TMPRSS11D: variants seen among roughly 807,000 people sequenced by gnomAD.
TMPRSS11D encodes the protein transmembrane protease serine 11D.
A neutral mutation model predicts 44.4 loss-of-function variants in TMPRSS11D; 32 were observed. That is an observed-to-expected ratio of 0.72 (90% CI 0.54 to 0.97). The LOEUF (loss-of-function observed/expected upper bound fraction) is 0.97, where lower values mean the gene tolerates loss of function less well. Ranked by LOEUF, TMPRSS11D falls within the 50% of genes least tolerant of loss-of-function variation. TMPRSS11D has a pLI of 0.00. For synonymous variants in TMPRSS11D, 179 were observed against 177.9 expected (o/e 1.01, Z -0.05); for missense variants, 446 against 502.6 (o/e 0.89, Z 1.08).
chr4:67,823,568 G>T (rs2109653813), intron 9 of TMPRSS11D, among the ~76,000 whole-genome samples: 1 of 152,218 alleles, frequency 6.6e-6, no homozygotes, highest in South Asian at 2.1e-4. Context: ...ATATAGTATA[G>T]TCAGTACTAA....
intron 5 of TMPRSS11D, 181 bp downstream of exon 5, chr4:67,837,991 C>A (rs58567891): frequency 0.18 from 79,976 of 451,022 alleles, 7,426 homozygotes; most frequent in East Asian, 0.27. Context: ...CCAAATGATT[C>A]TTTAAGTCTT....
At chr4:67,848,119 G>A (rs990911931) in intron 3 of TMPRSS11D, among the ~76,000 whole-genome samples, 1 of 152,112 alleles carries the variant, frequency 6.6e-6, no homozygotes, top group Non-Finnish European at 1.5e-5. Flanking sequence ...CTCCTCCCAT[G>A]TTCTAGTTTG....
chr4:67,822,078 T>C lies in TMPRSS11D; in HGVS notation c.*259A>G. On this transcript the variant is annotated 3_prime_UTR_variant, in exon 10 of 10. Coordinates refer to ENST00000283916, the MANE Select transcript of TMPRSS11D (RefSeq NM_004262.3). ...GCATTTAGCACAACTGTAATGAAATTGTTAACTTTGTAATTAGTTTAGTGT... is the reference window on the plus strand; with the variant it reads ...GCATTTAGCACAACTGTAATGAAATCGTTAACTTTGTAATTAGTTTAGTGT... 2.8e-6 allele frequency: 1 copy of C among 363,044 alleles called. No individual in the cohort carries two copies. Among genetic ancestry groups the C allele is most frequent in the Non-Finnish European group, 5.0e-6 (1 of 199,168 alleles). 22.5% of individuals were successfully genotyped at this position (363,044 alleles called of 1,614,324 possible).
At position 67,820,938 on chromosome 4, in the gene TMPRSS11D, A is replaced by G. The variant is rs1363142417; in HGVS notation, c.*1399T>C. On this transcript the variant is annotated 3_prime_UTR_variant, in exon 10 of 10. Coordinates refer to ENST00000283916, the MANE Select transcript of TMPRSS11D (RefSeq NM_004262.3). ...AAAGATTTGTTTGTACAGTTCGCCAAGAGTTGGTTGCATTTTCAACTCCCT... is the reference window on the plus strand; with the variant it reads ...AAAGATTTGTTTGTACAGTTCGCCAGGAGTTGGTTGCATTTTCAACTCCCT... 1 of 152,260 alleles carries G rather than the reference A, an allele frequency of 6.6e-6. No individual in the cohort carries two copies. The highest frequency in any genetic ancestry group is 1.5e-5 in the Non-Finnish European group (1 of 68,042). The allele number at this position is 152,260 out of a possible 1,614,324, so 9.4% of individuals were successfully genotyped here.
intron 1 of TMPRSS11D, 72 bp from the exon 2 acceptor site, chr4:67,859,750 T>C (rs1560546084): frequency 3.8e-6 from 6 of 1,571,386 alleles, no homozygotes; most frequent in Non-Finnish European, 5.2e-6. Context: ...TGTTCATGAT[T>C]GTCTTCTGTC....
intron 1 of TMPRSS11D, among the ~76,000 whole-genome samples, chr4:67,860,149 G>A (rs982796562): frequency 1.6e-4 from 24 of 152,188 alleles, no homozygotes; most frequent in East Asian, 9.7e-4. Context: ...GGGGTGGTGA[G>A]GGGGTCAGGA....
At chr4:67,840,915 T>A (rs1480818038) in intron 4 of TMPRSS11D, among the ~76,000 whole-genome samples, 1 of 151,956 alleles carries the variant, frequency 6.6e-6, no homozygotes, top group Non-Finnish European at 1.5e-5. Context: ...GAAAACGCAA[T>A]AAATGGGTTA....
chr4:67,827,151 G>A (rs1717813000), intron 8 of TMPRSS11D, 110 bp downstream of exon 8: 2 of 1,408,254 alleles, frequency 1.4e-6, no homozygotes, highest in East Asian at 2.4e-5. Context: ...GAATGGTTCT[G>A]TCTGTAGAAG....
chr4:67,872,109 A>C (rs1396673615), intron 1 of TMPRSS11D, among the ~76,000 whole-genome samples: 1 of 152,106 alleles, frequency 6.6e-6, no homozygotes, highest in Non-Finnish European at 1.5e-5. Context: ...TTTTTTTCTG[A>C]GTTCTACAAA....
At chr4:67,874,618 T>G (rs950610938) in intron 1 of TMPRSS11D, among the ~76,000 whole-genome samples, 2 of 152,064 alleles carry the variant, frequency 1.3e-5, no homozygotes, top group Non-Finnish European at 2.9e-5. Flanking sequence ...CTGTGAATGA[T>G]GGAGTAGAAT....
At chr4:67,879,675 C>G (rs1315402346) in intron 1 of TMPRSS11D, among the ~76,000 whole-genome samples, 1 of 151,924 alleles carries the variant, frequency 6.6e-6, no homozygotes, top group Non-Finnish European at 1.5e-5. Flanking sequence ...TGAGATCTGA[C>G]CACTGGATTT....
At chr4:67,872,413 T>A (rs539653161) in intron 1 of TMPRSS11D, among the ~76,000 whole-genome samples, 2 of 152,328 alleles carry the variant, frequency 1.3e-5, no homozygotes, top group African/African-American at 4.8e-5. Flanking sequence ...CTCATGACAG[T>A]TTAAATATGT....
chr4:67,838,286 G>C lies in TMPRSS11D; in HGVS notation c.361C>G (p.Gln121Glu). 6.3e-7 allele frequency: 1 copy of C among 1,596,358 alleles called. No homozygotes were observed. Among genetic ancestry groups the C allele is most frequent in the Non-Finnish European group, 8.5e-7 (1 of 1,172,742 alleles). Residue 121 changes from glutamine (Q) to glutamate (E), a missense_variant, in exon 5 of 10, where the codon CAA becomes GAA. Physicochemically the swap from Gln to Glu is conservative, Grantham distance 29 (BLOSUM62 2). Transcript: ENST00000283916. ...GVRADVVMKF[Q>E]FTRNNNGASM... Reference sequence around the variant, plus strand: ...GCTCCATTGTTATTTCTAGTGAATTGAAATTTCATGACAACATCCGCTCTC... The same window carrying C: ...GCTCCATTGTTATTTCTAGTGAATTCAAATTTCATGACAACATCCGCTCTC...
chr4:67,881,870 T>G (rs1251142257), intron 1 of TMPRSS11D, among the ~76,000 whole-genome samples: 1 of 152,220 alleles, frequency 6.6e-6, no homozygotes, highest in Admixed American at 6.5e-5. Flanking sequence ...TGAGCTGAGA[T>G]ATGCTCATTT....
rs1717649911 is a variant in TMPRSS11D at position 67,821,823 on chromosome 4, A to G, written c.*514T>C. 6.6e-6 allele frequency: 1 copy of G among 152,518 alleles called. No individual in the cohort carries two copies. The highest frequency in any genetic ancestry group is 2.4e-5 in the African/African-American group (1 of 41,448). The allele number at this position is 152,518 out of a possible 1,614,324, so 9.4% of individuals were successfully genotyped here. A position where few individuals can be genotyped will look rare whatever the true frequency, so the allele number is the denominator to read the frequency against. Reference sequence around the variant, plus strand: ...TCACATTTTTAATTTTAGGACTCATACTAAGTATAAGATATTGAGTAACCA... The same window carrying G: ...TCACATTTTTAATTTTAGGACTCATGCTAAGTATAAGATATTGAGTAACCA... On this transcript the variant is annotated 3_prime_UTR_variant, in exon 10 of 10. Transcript: ENST00000283916.
intron 1 of TMPRSS11D, among the ~76,000 whole-genome samples, chr4:67,873,842 C>T (rs74477273): frequency 6.6e-6 from 1 of 152,064 alleles, no homozygotes. Flanking sequence ...AGATCCTTCT[C>T]TGTTTCCTAA....
intron 5 of TMPRSS11D, among the ~76,000 whole-genome samples, chr4:67,836,166 C>T (rs1347020080): frequency 6.6e-6 from 1 of 152,128 alleles, no homozygotes; most frequent in African/African-American, 2.4e-5. Context: ...CCATCCTCCT[C>T]ACTCCTTTTG....
intron 1 of TMPRSS11D, among the ~76,000 whole-genome samples, chr4:67,881,318 G>C (rs17088752): frequency 0.08 from 12,182 of 152,238 alleles, 539 homozygotes; most frequent in East Asian, 0.14. Flanking sequence ...TGGAAGACAA[G>C]TTGGCAGTGG....
intron 1 of TMPRSS11D, among the ~76,000 whole-genome samples, chr4:67,872,693 C>G (rs1042909330): frequency 6.6e-6 from 1 of 151,968 alleles, no homozygotes; most frequent in Non-Finnish European, 1.5e-5. Flanking sequence ...GTTTCCTGTG[C>G]GTAATTGACA....
Sources: gnomAD v4.1 joint callset for allele counts (sites outside exome capture counted in the v4.1 genomes callset) on GRCh38, gnomAD v4.1.1 for gene constraint, MANE v1.5 for transcripts, NCBI Gene and HGNC (gene_info 2026-07-23, HGNC 2026-07-21) for gene names.